Variants in TTC14 observed in about 807,000 individuals in gnomAD.
The protein encoded by TTC14 is tetratricopeptide repeat domain 14.
In TTC14, 63 loss-of-function variants were observed where a neutral mutation model predicts 79.9. That is an observed-to-expected ratio of 0.79 (90% CI 0.64 to 0.97). The LOEUF is 0.97. TTC14 is among the 50% of genes least tolerant of loss of function. The pLI, the probability that TTC14 is intolerant of heterozygous loss-of-function variation, is 0.00. For synonymous variants in TTC14, 335 were observed against 309.6 expected, an observed-to-expected ratio of 1.08 and a Z score of -0.86; for missense variants, 895 against 894.0, an observed-to-expected ratio of 1.00 and a Z score of -0.01.
downstream of TTC14, among the ~76,000 whole-genome samples, chr3:180,618,317 A>C (rs968090037): frequency 1.3e-5 from 2 of 152,186 alleles, no homozygotes; most frequent in Non-Finnish European, 1.5e-5. Flanking sequence ...AAATAAAACA[A>C]TGACAATTGA....
intron 3 of TTC14, 176 bp from the exon 4 acceptor site, chr3:180,604,049 A>G: frequency 1.6e-6 from 1 of 628,756 alleles, no homozygotes. Flanking sequence ...CTGAACCAGC[A>G]AACATATTTT....
intron 12 of TTC14, chr3:180,617,290 T>G: frequency 2.1e-6 from 1 of 477,822 alleles, no homozygotes; most frequent in Non-Finnish European, 3.7e-6. Context: ...GCACATACAA[T>G]TATGTACAGT....
At chr3:180,605,345 C>G (rs1576919591) in intron 6 of TTC14, 1 of 184,420 alleles carries the variant, frequency 5.4e-6, no homozygotes, top group South Asian at 1.2e-4. Context: ...GGCGCTATCT[C>G]AGCTCACTGC....
chr3:180,602,192 C>A lies in TTC14; in HGVS notation c.-70C>A. The A allele has an allele frequency of 6.4e-7, 1 of 1,572,182 alleles. No homozygotes were observed. Among genetic ancestry groups the A allele is most frequent in the Non-Finnish European group, 8.6e-7 (1 of 1,157,340 alleles). Reference sequence around the variant, plus strand: ...AGTTTCTTCCGCTTCCTGTACCACCCGGCTCAAGTAGCGGACACGGAACAG... The same window carrying A: ...AGTTTCTTCCGCTTCCTGTACCACCAGGCTCAAGTAGCGGACACGGAACAG... On this transcript the variant is annotated 5_prime_UTR_variant, in exon 1 of 12. Transcript: ENST00000296015.
chr3:180,606,054 A>G lies in TTC14; in HGVS notation c.930-199A>G, dbSNP rs1351388583. On this transcript the variant is annotated intron_variant, in intron 7 of 11. Transcript: ENST00000296015. ...CAGTTTTCTCAAAAGGAATTAGTATATTGATATCTAGGTTTCACCAATATT... is the reference window on the plus strand; with the variant it reads ...CAGTTTTCTCAAAAGGAATTAGTATGTTGATATCTAGGTTTCACCAATATT... 19 of 837,710 alleles carry G rather than the reference A, an allele frequency of 2.3e-5. 1 individual carries two copies. The highest frequency in any genetic ancestry group is 2.4e-5 in the Non-Finnish European group (13 of 547,264). The allele number at this position is 837,710 out of a possible 1,614,324, so 51.9% of individuals were successfully genotyped here.
At chr3:180,603,882 CA>C (rs1716526973) in intron 3 of TTC14, 1 of 279,976 alleles carries the variant, frequency 3.6e-6, no homozygotes, top group Admixed American at 5.0e-5. Context: ...GGATAACAGA[CA>C]AAATACTTTG....
At position 180,604,554 on chromosome 3, in the gene TTC14, A is replaced by G. The variant is rs1157733477; in HGVS notation, c.648A>G (p.Leu216=). The change falls in exon 5 of 12, where the codon CTA becomes CTG. Residue 216 remains leucine, a synonymous_variant. Coordinates refer to ENST00000296015, the MANE Select transcript of TTC14 (RefSeq NM_133462.4). ...ATAGCTCTTCTCTTCCACCACACCT[A>G]TCTGGTATTAAATTAGGTGTAATTA... is the stretch of plus-strand genomic sequence containing the variant. ...SLYSSSLPPH[L]SGIKLGVISS... is the part of the protein sequence containing the mutation. The G allele has an allele frequency of 6.2e-7, 1 of 1,610,686 alleles. No homozygotes were observed. Among genetic ancestry groups the G allele is most frequent in the South Asian group, 1.1e-5 (1 of 90,630 alleles).
intron 12 of TTC14, among the ~76,000 whole-genome samples, chr3:180,617,226 T>G (rs1251140978): frequency 6.6e-6 from 1 of 152,114 alleles, no homozygotes; most frequent in Non-Finnish European, 1.5e-5. Flanking sequence ...AGTCATGAGT[T>G]TGTGGTGATG....
chr3:180,612,984 TACTC>T (rs1576927210), downstream of TTC14, among the ~76,000 whole-genome samples: 2 of 152,294 alleles, frequency 1.3e-5, no homozygotes, highest in African/African-American at 2.4e-5. Context: ...TATGAAATAA[TACTC>T]AACATCACTA....
At chr3:180,615,811 AGG>A (rs1456337176), downstream of TTC14, among the ~76,000 whole-genome samples, 1 of 152,136 alleles carries the variant, frequency 6.6e-6, no homozygotes, top group Non-Finnish European at 1.5e-5. Context: ...AGAAAAAAAA[AGG>A]GGTTTCCTTT....
At chr3:180,616,620 G>A (rs1244520123) in intron 12 of TTC14, 6 of 1,596,338 alleles carry the variant, frequency 3.8e-6, no homozygotes, top group Non-Finnish European at 4.3e-6. Context: ...ATTTCACGAA[G>A]TTTGATGTCT....
intron 6 of TTC14, chr3:180,605,259 A>G: frequency 6.0e-6 from 2 of 332,498 alleles, no homozygotes; most frequent in Non-Finnish European, 5.4e-6. Flanking sequence ...GCTAAAGAAA[A>G]ATACTGGGTT....
Position 180,604,308 on chromosome 3 carries a change from A to T in TTC14, c.570A>T (p.Arg190=), listed in dbSNP as rs1716550859. 1 of 1,610,636 alleles carries T rather than the reference A, an allele frequency of 6.2e-7. No homozygotes were observed. The highest frequency in any genetic ancestry group is 1.1e-5 in the South Asian group (1 of 89,922). The change falls in exon 4 of 12, where the codon CGA becomes CGT. Residue 190 remains arginine (R), a splice_region_variant and synonymous_variant. Transcript: ENST00000296015. ...ATTACCAAACTGGTGACATCATTCGAGGTGATTAGTTTCATCATACTAATA... is the reference window on the plus strand; with the variant it reads ...ATTACCAAACTGGTGACATCATTCGTGGTGATTAGTTTCATCATACTAATA... ...LSYYQTGDII[R]AGIKDIDRYH...
Position 180,610,292 on chromosome 3 carries a change from A to G in TTC14, c.2063A>G (p.Tyr688Cys), listed in dbSNP as rs148614664. The G allele has an allele frequency of 2.7e-5, 43 of 1,613,710 alleles. No homozygotes were observed. In the East Asian group the frequency reaches 9.4e-4, roughly 35 times the overall value. Residue 688 changes from tyrosine to cysteine, a missense_variant, in exon 12 of 12, where the codon TAC (tyrosine) becomes TGC (cysteine). Transcript: ENST00000296015. ...SWKSVEKYKK[Y>C]AHSGSRDFSR... ...AAGTCAGTTGAGAAATACAAAAAAT[A>G]CGCTCACTCTGGATCACGTGATTTC... is the stretch of plus-strand genomic sequence containing the variant.
At chr3:180,604,378 A>C in intron 4 of TTC14, 69 bp downstream of exon 4, 1 of 1,564,454 alleles carries the variant, frequency 6.4e-7, no homozygotes, top group Non-Finnish European at 8.7e-7. Context: ...AATTTAAAAA[A>C]ATACAGTCTA....
Position 180,610,083 on chromosome 3 carries a change from A to G in TTC14, c.1854A>G (p.Lys618=), listed in dbSNP as rs138570220. The change falls in exon 12 of 12, where the codon AAA becomes AAG. Residue 618 remains lysine (K), a synonymous_variant. Coordinates refer to ENST00000296015, the MANE Select transcript of TTC14 (RefSeq NM_133462.4). The stretch of plus-strand genomic sequence containing the variant: ...GTAGCAAAACAGAAAAGCCATATAA[A>G]TCAGAAAGACATTTTTCCAGTAGAA... ...AGSSKTEKPY[K]SERHFSSRRN... The G allele has an allele frequency of 1.2e-6, 2 of 1,613,474 alleles. No homozygotes were observed. Among genetic ancestry groups the G allele is most frequent in the Non-Finnish European group, 1.7e-6 (2 of 1,179,856 alleles).
At chr3:180,603,475 T>C in intron 3 of TTC14, 152 bp downstream of exon 3, 1 of 694,946 alleles carries the variant, frequency 1.4e-6, no homozygotes, top group Non-Finnish European at 2.4e-6. Context: ...TTAAAAAAAT[T>C]AGTGTAAGTT....
Position 180,610,841 on chromosome 3 carries a change from G to A in TTC14, c.*299G>A, listed in dbSNP as rs1385590722. On this transcript the variant is annotated 3_prime_UTR_variant, in exon 12 of 12. Coordinates refer to ENST00000296015, the MANE Select transcript of TTC14 (RefSeq NM_133462.4). Reference sequence around the variant, plus strand: ...AGTACTGTTTCTTCATTCTATTGCGGTATATGAGAATTCCTGGGTGCATCT... The same window carrying A: ...AGTACTGTTTCTTCATTCTATTGCGATATATGAGAATTCCTGGGTGCATCT... 5.0e-6 allele frequency: 5 copies of A among 998,992 alleles called. No homozygotes were observed. The highest frequency in any genetic ancestry group is 6.0e-6 in the Non-Finnish European group (5 of 838,816). 61.9% of individuals were successfully genotyped at this position (998,992 alleles called of 1,614,324 possible). A position where few individuals can be genotyped will look rare whatever the true frequency, so the allele number is the denominator to read the frequency against.
chr3:180,615,394 A>G (rs977703489), downstream of TTC14, among the ~76,000 whole-genome samples: 4 of 152,142 alleles, frequency 2.6e-5, no homozygotes, highest in African/African-American at 9.6e-5. Context: ...AAAACAGAGG[A>G]AATAGGGCCA....
Sources: allele counts gnomAD v4.1 joint callset (sites outside exome capture counted in the v4.1 genomes callset), GRCh38; gene constraint gnomAD v4.1.1; transcripts MANE v1.5; gene names NCBI Gene and HGNC (gene_info 2026-07-23, HGNC 2026-07-21).